The following CCDC146 variants were observed in gnomAD, a reference collection of about 807,000 sequenced individuals.
CCDC146 encodes coiled-coil domain containing 146.
Under a neutral mutation model 119.3 loss-of-function variants are expected in CCDC146, and 92 were observed. The observed-to-expected ratio is 0.77, with a 90% CI of 0.65 to 0.92. CCDC146 has a LOEUF of 0.92. Ranked by LOEUF, CCDC146 falls within the 40% of genes least tolerant of loss-of-function variation. The probability of loss-of-function intolerance (pLI) is 0.00; values close to 1 mark genes in which losing one functional copy is unlikely to be tolerated. For missense variants in CCDC146, 1,000 were observed against 1,103.0 expected (o/e 0.91, Z 1.32); for synonymous variants, 372 against 371.8 (o/e 1.00, Z -0.01).
chr7:77,164,161 C>G (rs1791306936), intron 1 of CCDC146, among the ~76,000 whole-genome samples: 1 of 151,820 alleles, frequency 6.6e-6, no homozygotes, highest in South Asian at 2.1e-4. Context: ...CCATGCCTGG[C>G]CTTTGAAAAA....
At chr7:77,222,911 C>T (rs560849411) in intron 2 of CCDC146, among the ~76,000 whole-genome samples, 1 of 152,348 alleles carries the variant, frequency 6.6e-6, no homozygotes, top group Non-Finnish European at 1.5e-5. Flanking sequence ...CACTCCCTGC[C>T]TCTTCTGGTT....
chr7:77,145,629 A>G (rs1007745368), intron 1 of CCDC146, among the ~76,000 whole-genome samples: 70 of 152,110 alleles, frequency 4.6e-4, no homozygotes, highest in African/African-American at 1.4e-3. Flanking sequence ...CTTTGTTCTC[A>G]TTGGTTTCAA....
At chr7:77,280,026 G>T (rs2150546212) in intron 13 of CCDC146, among the ~76,000 whole-genome samples, 1 of 152,278 alleles carries the variant, frequency 6.6e-6, no homozygotes, top group East Asian at 1.9e-4. Context: ...TAGAGGCCAT[G>T]CATTCATTCA....
intron 15 of CCDC146, among the ~76,000 whole-genome samples, chr7:77,285,350 T>A (rs1793829901): frequency 6.6e-6 from 1 of 152,242 alleles, no homozygotes; most frequent in South Asian, 2.1e-4. Context: ...AATGCTTGAT[T>A]ACATATGTAT....
chr7:77,179,132 G>A (rs913074949), intron 2 of CCDC146, among the ~76,000 whole-genome samples: 2 of 152,068 alleles, frequency 1.3e-5, no homozygotes, highest in African/African-American at 4.8e-5. Flanking sequence ...TTTTCATTAG[G>A]CAAGCAAGAT....
chr7:77,130,355 A>T (rs1264659509), intron 1 of CCDC146, among the ~76,000 whole-genome samples: 3 of 152,106 alleles, frequency 2.0e-5, no homozygotes, highest in Non-Finnish European at 2.9e-5. Context: ...GAAATGAACT[A>T]TGATAAAAAT....
chr7:77,199,913 A>G, intron 2 of CCDC146: 1 of 1,240,704 alleles, frequency 8.1e-7, no homozygotes, highest in East Asian at 2.4e-5. Flanking sequence ...TTGCATCACA[A>G]GTTTTAGAAA....
intron 8 of CCDC146, among the ~76,000 whole-genome samples, chr7:77,260,918 G>A (rs1347152482): frequency 3.9e-5 from 6 of 152,030 alleles, no homozygotes; most frequent in South Asian, 4.2e-4. Flanking sequence ...ATGAGCCACC[G>A]CGCCCAGCCT....
At chr7:77,241,074 C>T (rs865891891) in intron 3 of CCDC146, among the ~76,000 whole-genome samples, 2 of 53,364 alleles carry the variant, frequency 3.7e-5, no homozygotes, top group East Asian at 5.9e-4. Flanking sequence ...TCAATCTCGG[C>T]TGAGATGGAG....
chr7:77,200,985 G>A (rs1791976852), intron 2 of CCDC146, among the ~76,000 whole-genome samples: 1 of 152,074 alleles, frequency 6.6e-6, no homozygotes, highest in African/African-American at 2.4e-5. Context: ...TCATATTTAT[G>A]TCTTTAACCT....
chr7:77,252,264 T>C (rs570688582), intron 4 of CCDC146, among the ~76,000 whole-genome samples: 2 of 151,978 alleles, frequency 1.3e-5, no homozygotes, highest in East Asian at 3.9e-4. Context: ...ATGAAAAAAA[T>C]TGGAAGAAGT....
intron 2 of CCDC146, among the ~76,000 whole-genome samples, chr7:77,213,155 A>T (rs3095472): frequency 0.013 from 1,992 of 152,056 alleles, 18 homozygotes; most frequent in Non-Finnish European, 0.015. Context: ...CAGTGGCGCA[A>T]TTACAGCTCA....
At chr7:77,176,602 G>A (rs1791504060) in intron 2 of CCDC146, among the ~76,000 whole-genome samples, 1 of 152,130 alleles carries the variant, frequency 6.6e-6, no homozygotes, top group Non-Finnish European at 1.5e-5. Context: ...GACACGGTAG[G>A]TTGTTGATAT....
chr7:77,256,313 C>G lies in CCDC146; in HGVS notation c.508-20C>G. ...GTTTGCTCAGACTATATAACCTAAT[C>G]ATCTTCACGACTTTTAAAGGAAATG... On this transcript the variant is annotated intron_variant, in intron 5 of 18. Transcript: ENST00000285871. The G allele has an allele frequency of 6.4e-7, 1 of 1,566,160 alleles. No homozygotes were observed. Among genetic ancestry groups the G allele is most frequent in the South Asian group, 1.2e-5 (1 of 83,006 alleles).
intron 4 of CCDC146, among the ~76,000 whole-genome samples, chr7:77,249,772 C>A (rs1179800611): frequency 6.6e-6 from 1 of 152,030 alleles, no homozygotes; most frequent in African/African-American, 2.4e-5. Context: ...TTTTTGGATC[C>A]ATTGTGACAA....
intron 1 of CCDC146, among the ~76,000 whole-genome samples, chr7:77,140,534 G>A (rs1164911184): frequency 6.6e-6 from 1 of 152,124 alleles, no homozygotes; most frequent in East Asian, 1.9e-4. Flanking sequence ...AGAGAGGAAG[G>A]AAACTGTCTT....
intron 1 of CCDC146, among the ~76,000 whole-genome samples, chr7:77,163,229 C>A (rs1056518679): frequency 1.3e-5 from 2 of 152,138 alleles, no homozygotes; most frequent in African/African-American, 4.8e-5. Context: ...AGGTGGATCA[C>A]CTGAGGTCAG....
intron 6 of CCDC146, chr7:77,257,875 A>G (rs1793210711): frequency 6.6e-6 from 1 of 152,266 alleles, no homozygotes; most frequent in Admixed American, 6.5e-5. Context: ...TGTTAGACAA[A>G]CTTAGCTTCC....
chr7:77,283,967 G>A (rs1793806261), intron 15 of CCDC146, among the ~76,000 whole-genome samples: 1 of 151,944 alleles, frequency 6.6e-6, no homozygotes, highest in Non-Finnish European at 1.5e-5. Context: ...AGATCGATTG[G>A]CTAGAAAGTC....
Sources: gnomAD v4.1 joint callset for allele counts (sites outside exome capture counted in the v4.1 genomes callset) on GRCh38, gnomAD v4.1.1 for gene constraint, MANE v1.5 for transcripts, NCBI Gene and HGNC (gene_info 2026-07-23, HGNC 2026-07-21) for gene names.